AGBL1: variants seen among roughly 807,000 people sequenced by gnomAD.
AGBL1 encodes the protein cytosolic carboxypeptidase 4.
A neutral mutation model predicts 118.9 loss-of-function variants in AGBL1; 130 were observed. The ratio of observed to expected loss-of-function variants is 1.09; its 90% CI spans 0.95 to 1.26. The LOEUF (loss-of-function observed/expected upper bound fraction) is 1.26, where lower values mean the gene tolerates loss of function less well. AGBL1 is among the 50% of genes most tolerant of loss of function. The pLI, the probability that AGBL1 is intolerant of heterozygous loss-of-function variation, is 0.00. For synonymous variants in AGBL1, 555 were observed against 478.9 expected (o/e 1.16, Z -2.08); for missense variants, 1,584 against 1,298.1 (o/e 1.22, Z -3.38).
At chr15:86,166,637 A>T (rs1197149081) in intron 5 of AGBL1, among the ~76,000 whole-genome samples, 1 of 152,136 alleles carries the variant, frequency 6.6e-6, no homozygotes, top group Non-Finnish European at 1.5e-5. Context: ...TTCCTTCAGG[A>T]GGAGGAGCTC....
intron 1 of AGBL1, among the ~76,000 whole-genome samples, chr15:86,129,398 G>T (rs1381593968): frequency 6.6e-6 from 1 of 152,106 alleles, no homozygotes; most frequent in Admixed American, 6.5e-5. Context: ...TTTGTGGGAG[G>T]CTCCATAAAG....
intron 15 of AGBL1, 37 bp downstream of exon 15, chr15:86,271,743 C>T: frequency 6.5e-7 from 1 of 1,538,872 alleles, no homozygotes; most frequent in South Asian, 1.1e-5. Context: ...TTTCTCTGTC[C>T]TGTAATTTTC....
At chr15:86,554,123 G>A (rs1461403054) in intron 20 of AGBL1, among the ~76,000 whole-genome samples, 1 of 152,114 alleles carries the variant, frequency 6.6e-6, no homozygotes, top group Non-Finnish European at 1.5e-5. Flanking sequence ...ACCTCCCAAA[G>A]TGCTGAGATT....
intron 5 of AGBL1, among the ~76,000 whole-genome samples, chr15:86,167,692 C>T (rs1382390376): frequency 2.6e-5 from 4 of 152,172 alleles, no homozygotes; most frequent in African/African-American, 9.7e-5. Flanking sequence ...TGGAGATGTG[C>T]TTGTTTAGCA....
chr15:86,977,557 A>G (rs926502507), intron 23 of AGBL1, among the ~76,000 whole-genome samples: 1 of 151,896 alleles, frequency 6.6e-6, no homozygotes, highest in South Asian at 2.1e-4. Flanking sequence ...CTGCAATATA[A>G]TATTTGTCAA....
chr15:86,758,708 G>T (rs764629530), intron 22 of AGBL1, among the ~76,000 whole-genome samples: 1 of 151,872 alleles, frequency 6.6e-6, no homozygotes, highest in East Asian at 1.9e-4. Flanking sequence ...GTGGTGGCTC[G>T]TACCCAAAAT....
intron 22 of AGBL1, among the ~76,000 whole-genome samples, chr15:86,876,399 G>A (rs1441817483): frequency 6.6e-6 from 1 of 152,064 alleles, no homozygotes; most frequent in Non-Finnish European, 1.5e-5. Flanking sequence ...TGGGAGCCAG[G>A]GGACTGGAGG....
chr15:86,706,844 A>G (rs916764037), intron 22 of AGBL1, among the ~76,000 whole-genome samples: 1 of 152,164 alleles, frequency 6.6e-6, no homozygotes, highest in African/African-American at 2.4e-5. Context: ...GTTGTGGAAT[A>G]TTAGAAACAC....
At chr15:86,500,190 G>C (rs1390118792) in intron 18 of AGBL1, among the ~76,000 whole-genome samples, 2 of 151,846 alleles carry the variant, frequency 1.3e-5, no homozygotes, top group South Asian at 2.1e-4. Flanking sequence ...TATGAGGCTG[G>C]CGGTTGGAGT....
chr15:86,770,234 T>G (rs959687909), intron 22 of AGBL1, among the ~76,000 whole-genome samples: 9 of 151,990 alleles, frequency 5.9e-5, no homozygotes, highest in Non-Finnish European at 1.3e-4. Flanking sequence ...GACTGGGTCC[T>G]GCTCTCATGA....
chr15:86,341,121 C>A (rs1291899612), intron 17 of AGBL1, among the ~76,000 whole-genome samples: 1 of 152,186 alleles, frequency 6.6e-6, no homozygotes, highest in Non-Finnish European at 1.5e-5. Context: ...CCTACCTGGC[C>A]TTTTCTGACA....
intron 21 of AGBL1, among the ~76,000 whole-genome samples, chr15:86,644,348 A>G (rs781624878): frequency 1.3e-5 from 2 of 152,140 alleles, no homozygotes; most frequent in Non-Finnish European, 2.9e-5. Flanking sequence ...CCTGGCAAAC[A>G]TGGCAAGAGC....
At chr15:86,852,480 C>T (rs2079421594) in intron 22 of AGBL1, among the ~76,000 whole-genome samples, 1 of 152,174 alleles carries the variant, frequency 6.6e-6, no homozygotes, top group Admixed American at 6.5e-5. Flanking sequence ...TACGACATCC[C>T]CTGCTATCTG....
intron 22 of AGBL1, among the ~76,000 whole-genome samples, chr15:86,761,368 T>A (rs1029274267): frequency 2.0e-5 from 3 of 152,064 alleles, no homozygotes. Flanking sequence ...CTAGTGATTG[T>A]GTTTCTGAAT....
intron 22 of AGBL1, among the ~76,000 whole-genome samples, chr15:86,904,137 G>A (rs1356450015): frequency 6.6e-6 from 1 of 152,128 alleles, no homozygotes; most frequent in African/African-American, 2.4e-5. Flanking sequence ...TGTGGCTAGA[G>A]GAAACAAGCT....
chr15:86,796,202 A>C (rs917531787), intron 22 of AGBL1, among the ~76,000 whole-genome samples: 1 of 152,208 alleles, frequency 6.6e-6, no homozygotes, highest in Admixed American at 6.5e-5. Context: ...TCTCATGCAA[A>C]GACCACATTT....
chr15:86,370,962 G>C (rs74027526), intron 17 of AGBL1, among the ~76,000 whole-genome samples: 1 of 152,146 alleles, frequency 6.6e-6, no homozygotes, highest in Admixed American at 6.5e-5. Flanking sequence ...TATGGGTCTG[G>C]GGTTCAGAGC....
intron 23 of AGBL1, among the ~76,000 whole-genome samples, chr15:86,985,137 CT>C (rs1352096299): frequency 6.6e-6 from 1 of 151,604 alleles, no homozygotes; most frequent in African/African-American, 2.4e-5. Flanking sequence ...TTTCCATTCT[CT>C]TAATGATGGG....
intron 21 of AGBL1, among the ~76,000 whole-genome samples, chr15:86,640,006 A>G (rs1325073630): frequency 2.6e-5 from 4 of 152,132 alleles, no homozygotes; most frequent in African/African-American, 9.7e-5. Context: ...CATTTTTTCC[A>G]GTGGACTGGT....
Sources: gnomAD v4.1 joint callset for allele counts (sites outside exome capture counted in the v4.1 genomes callset) on GRCh38, gnomAD v4.1.1 for gene constraint, MANE v1.5 for transcripts, NCBI Gene and HGNC (gene_info 2026-07-23, HGNC 2026-07-21) for gene names.